NECTIN1: variants seen among roughly 807,000 people sequenced by gnomAD.
NECTIN1 encodes the protein nectin-1.
NECTIN1 carries 23 observed loss-of-function variants against 48.0 expected under a neutral mutation model. That is an observed-to-expected ratio of 0.48 (90% CI 0.34 to 0.68). NECTIN1 has a LOEUF of 0.68. Among genes scored for constraint, NECTIN1 ranks in the 30% least tolerant of loss-of-function variants. The pLI, the probability that NECTIN1 is intolerant of heterozygous loss-of-function variation, is 0.01. For missense variants in NECTIN1, 591 were observed against 709.9 expected (o/e 0.83, Z 1.90); for synonymous variants, 270 against 288.9 (o/e 0.93, Z 0.66).
At chr11:119,647,413 C>T (rs1263838643) in intron 5 of NECTIN1, among the ~76,000 whole-genome samples, 3 of 152,046 alleles carry the variant, frequency 2.0e-5, no homozygotes, top group Admixed American at 2.0e-4. Flanking sequence ...CCCCTCCAAG[C>T]TCAGGCCCAG....
chr11:119,682,392 C>G lies in NECTIN1; in HGVS notation c.80-3627G>C, dbSNP rs1197699431. Reference sequence around the variant, plus strand: ...GGCTTAAAGACTGCACAGCCCCTCTCCTTGCCAAGCTTCTCCAGACACTGC... The same window carrying G: ...GGCTTAAAGACTGCACAGCCCCTCTGCTTGCCAAGCTTCTCCAGACACTGC... On this transcript the variant is annotated intron_variant, in intron 1 of 5. Coordinates refer to ENST00000264025, the MANE Select transcript of NECTIN1 (RefSeq NM_002855.5). Among the ~76,000 whole-genome samples the G allele has an allele frequency of 2.0e-5, 3 of 152,176 alleles. No homozygotes were observed. The East Asian group carries it at 5.8e-4, about 29-fold the overall frequency.
chr11:119,681,043 T>C (rs376206952), intron 1 of NECTIN1, among the ~76,000 whole-genome samples: 1 of 152,218 alleles, frequency 6.6e-6, no homozygotes, highest in Non-Finnish European at 1.5e-5. Context: ...CTCCTGGTCC[T>C]AACTGTCTCA....
chr11:119,665,443 C>G lies in NECTIN1; in HGVS notation c.1004-146G>C, dbSNP rs1049483998. ...TGAGCAGCTCCAGTTCGAGGCCCCGCAGCACTCCACCCATCCTGGAGCCCT... is the reference window on the plus strand; with the variant it reads ...TGAGCAGCTCCAGTTCGAGGCCCCGGAGCACTCCACCCATCCTGGAGCCCT... On this transcript the variant is annotated intron_variant, in intron 5 of 5. Coordinates refer to ENST00000264025, the MANE Select transcript of NECTIN1 (RefSeq NM_002855.5). This position sits in a 1 kb window ranked among gnomAD's most constrained non-coding sequence, Gnocchi z 5.1. The G allele has an allele frequency of 7.2e-7, 1 of 1,386,716 alleles. No individual in the cohort carries two copies. The highest frequency in any genetic ancestry group is 1.5e-5 in the African/African-American group (1 of 68,730). The allele number at this position is 1,386,716 out of a possible 1,614,324, so 85.9% of individuals were successfully genotyped here.
chr11:119,716,318 C>T (rs1159955561), intron 1 of NECTIN1, among the ~76,000 whole-genome samples: 1 of 152,144 alleles, frequency 6.6e-6, no homozygotes, highest in African/African-American at 2.4e-5. Context: ...GGAACGGACC[C>T]TCCTTCTCCA....
At chr11:119,668,911 T>A (rs1325688681) in intron 5 of NECTIN1, among the ~76,000 whole-genome samples, 1 of 152,258 alleles carries the variant, frequency 6.6e-6, no homozygotes, top group African/African-American at 2.4e-5. Context: ...CATTTCAGTG[T>A]GTTGCAGTAG....
At chr11:119,719,681 C>A (rs529818011) in intron 1 of NECTIN1, among the ~76,000 whole-genome samples, 7 of 152,296 alleles carry the variant, frequency 4.6e-5, no homozygotes, top group Non-Finnish European at 1.0e-4. Flanking sequence ...GTCTATCCAC[C>A]CAGCATGGCC....
chr11:119,686,274 T>G (rs1865151698), intron 1 of NECTIN1, among the ~76,000 whole-genome samples: 1 of 152,162 alleles, frequency 6.6e-6, no homozygotes, highest in South Asian at 2.1e-4. Flanking sequence ...CAGTCTCCCT[T>G]TCTTATTTTC....
At position 119,662,929 on chromosome 11, in the gene NECTIN1, G is replaced by A; in HGVS notation, c.*1818C>T. 1 of 986,062 alleles carries A rather than the reference G, an allele frequency of 1.0e-6. No individual in the cohort carries two copies. The highest frequency in any genetic ancestry group is 1.2e-6 in the Non-Finnish European group (1 of 830,124). 61.1% of individuals were successfully genotyped at this position (986,062 alleles called of 1,614,324 possible). ...GGCAGCCTGGGCTGGGGCCAGGGCA[G>A]TGAGGGCCAGACAACGACGACCCAC... On this transcript the variant is annotated 3_prime_UTR_variant, in exon 6 of 6. Coordinates refer to ENST00000264025, the MANE Select transcript of NECTIN1 (RefSeq NM_002855.5). The surrounding 1 kb of genome is among the most constrained non-coding windows in gnomAD (Gnocchi z 5.3).
intron 1 of NECTIN1, among the ~76,000 whole-genome samples, chr11:119,680,010 T>C (rs977532147): frequency 6.6e-6 from 1 of 152,200 alleles, no homozygotes; most frequent in South Asian, 2.1e-4. Context: ...GTCCTTTCCA[T>C]CTCTGTATCC....
intron 5 of NECTIN1, among the ~76,000 whole-genome samples, chr11:119,650,887 TCTC>T (rs1157741805): frequency 1.3e-5 from 2 of 152,154 alleles, no homozygotes; most frequent in Non-Finnish European, 2.9e-5. Flanking sequence ...GTTTTTAAAA[TCTC>T]CTGAGTCACT....
At chr11:119,710,184 C>T (rs1442677124) in intron 1 of NECTIN1, among the ~76,000 whole-genome samples, 1 of 152,252 alleles carries the variant, frequency 6.6e-6, no homozygotes, top group Non-Finnish European at 1.5e-5. Flanking sequence ...CATGCACGCA[C>T]ACACGCGCAC....
At position 119,682,057 on chromosome 11, in the gene NECTIN1, C is replaced by T. The variant is rs74368873; in HGVS notation, c.80-3292G>A. On this transcript the variant is annotated intron_variant, in intron 1 of 5. Transcript: ENST00000264025. ...GAAGATTGGAAAGGCCTAAAAACTCCACTTCTCCACTCCAGACTTAGGGAC... is the reference window on the plus strand; with the variant it reads ...GAAGATTGGAAAGGCCTAAAAACTCTACTTCTCCACTCCAGACTTAGGGAC... Among the ~76,000 whole-genome samples the T allele has an allele frequency of 5.3e-3, 811 of 152,204 alleles. 42 individuals are homozygous for T. In the East Asian group the frequency reaches 0.13, roughly 24 times the overall value.
intron 5 of NECTIN1, chr11:119,642,557 G>A (rs1166850600): frequency 6.5e-6 from 1 of 153,642 alleles, no homozygotes; most frequent in Admixed American, 6.5e-5. Flanking sequence ...CATGGACTCT[G>A]CAGCCACTTT....
intron 1 of NECTIN1, among the ~76,000 whole-genome samples, chr11:119,702,158 G>A (rs1163159490): frequency 2.0e-5 from 3 of 152,172 alleles, no homozygotes. Flanking sequence ...TGTGTGATGT[G>A]ATCTCATCTC....
chr11:119,683,693 G>A lies in NECTIN1; in HGVS notation c.80-4928C>T, dbSNP rs1379885650. On this transcript the variant is annotated intron_variant, in intron 1 of 5. Transcript: ENST00000264025. The surrounding 1 kb of genome is among the most constrained non-coding windows in gnomAD (Gnocchi z 4.0). ...AAGGGCAGAGGCATCCATAGAACCT[G>A]TGCCCTCAGCAGAGGGGCTCTTGCA... Among the ~76,000 whole-genome samples, 1 of 151,894 alleles carries A rather than the reference G, an allele frequency of 6.6e-6. No homozygotes were observed. Among genetic ancestry groups the A allele is most frequent in the African/African-American group, 2.4e-5 (1 of 41,316 alleles).
In NECTIN1 at chr11:119,650,657, G is replaced by A. The variant is rs910741612; in HGVS notation, c.1004-10645C>T. ...AGGGTAGGGTTGCAGAGTGGTTAGAGACACGGATTCTGGGGCCAGACTGCC... is the reference window on the plus strand; with the variant it reads ...AGGGTAGGGTTGCAGAGTGGTTAGAAACACGGATTCTGGGGCCAGACTGCC... On this transcript the variant is annotated intron_variant, in intron 5 of 7. Coordinates refer to the NECTIN1 transcript ENST00000341398. Among the ~76,000 whole-genome samples the A allele has an allele frequency of 1.1e-4, 16 of 152,324 alleles. 1 individual carries two copies. The highest frequency in any genetic ancestry group is 1.0e-3 in the Admixed American group (16 of 15,306).
intron 1 of NECTIN1, among the ~76,000 whole-genome samples, chr11:119,705,791 C>A (rs184291938): frequency 1.5e-4 from 23 of 152,206 alleles, no homozygotes; most frequent in Non-Finnish European, 1.5e-5. Flanking sequence ...GGCATCTTGG[C>A]GGCCCCTGCA....
At chr11:119,696,424 G>A (rs918192093) in intron 1 of NECTIN1, among the ~76,000 whole-genome samples, 11 of 230 alleles carry the variant, frequency 0.048, no homozygotes, top group East Asian at 0.17. Context: ...GTTCAACCCC[G>A]CCCGCCCCCT....
Position 119,680,428 on chromosome 11 carries a change from C to T in NECTIN1, c.80-1663G>A, listed in dbSNP as rs147691314. 2.2e-3 allele frequency among the ~76,000 whole-genome samples: 339 copies of T among 152,234 alleles called. 8 individuals carry two copies. The highest frequency in any genetic ancestry group is 0.014 in the Middle Eastern group (4 of 292). On this transcript the variant is annotated intron_variant, in intron 1 of 5. Transcript: ENST00000264025. ...AAGGCAGGGGGAGGATCTAAATGACCCCCCAAGGGAGTCTGGGATCCAAGA... is the reference window on the plus strand; with the variant it reads ...AAGGCAGGGGGAGGATCTAAATGACTCCCCAAGGGAGTCTGGGATCCAAGA...
Sources: gnomAD v4.1 joint callset for allele counts (sites outside exome capture counted in the v4.1 genomes callset) on GRCh38, gnomAD v4.1.1 for gene constraint, Gnocchi (gnomAD v3.1) non-coding constraint, MANE v1.5 for transcripts, NCBI Gene and HGNC (gene_info 2026-07-23, HGNC 2026-07-21) for gene names.